KDM4C: variants seen among roughly 807,000 people sequenced by gnomAD.
KDM4C encodes lysine-specific demethylase 4C.
A neutral mutation model predicts 129.3 loss-of-function variants in KDM4C; 81 were observed. That is an observed-to-expected ratio of 0.63 (90% confidence interval 0.52 to 0.75). The LOEUF is 0.75. Among genes scored for constraint, KDM4C ranks in the 30% least tolerant of loss-of-function variants. KDM4C has a pLI of 0.00. For synonymous variants in KDM4C, 573 were observed against 456.1 expected, an observed-to-expected ratio of 1.26 and a Z score of -3.26; for missense variants, 1,457 against 1,304.0, an observed-to-expected ratio of 1.12 and a Z score of -1.81.
At chr9:6,807,455 G>C (rs945921395) in intron 3 of KDM4C, among the ~76,000 whole-genome samples, 1 of 145,728 alleles carries the variant, frequency 6.9e-6, no homozygotes, top group East Asian at 2.0e-4. Flanking sequence ...CTTCCCAGCC[G>C]CCATCACATC....
chr9:7,151,069 G>A (rs1327787612), intron 19 of KDM4C, among the ~76,000 whole-genome samples: 1 of 152,110 alleles, frequency 6.6e-6, no homozygotes, highest in Non-Finnish European at 1.5e-5. Flanking sequence ...CCAGCACTTT[G>A]GGAGGCTGAA....
At chr9:7,099,153 A>G (rs1312429757) in intron 17 of KDM4C, among the ~76,000 whole-genome samples, 1 of 151,798 alleles carries the variant, frequency 6.6e-6, no homozygotes, top group Non-Finnish European at 1.5e-5. Context: ...AACAACAATT[A>G]AAAAGCATTC....
intron 15 of KDM4C, among the ~76,000 whole-genome samples, chr9:7,042,754 T>C (rs536512031): frequency 1.4e-4 from 22 of 152,158 alleles, no homozygotes; most frequent in African/African-American, 5.3e-4. Flanking sequence ...CCTTATGCTT[T>C]GGGGCAGAAG....
In KDM4C at chr9:6,906,348, A is replaced by G. The variant is rs375313136; in HGVS notation, c.921+13116A>G. ...CTCCACAGGGTAAACCTCTCCAGGC[A>G]ACACTATGGAAGGAATTCTCAGCAT... is the stretch of plus-strand genomic sequence containing the variant. On this transcript the variant is annotated intron_variant, in intron 8 of 21. Transcript: ENST00000381309. Among the ~76,000 whole-genome samples, 329 of 152,310 alleles carry G rather than the reference A, an allele frequency of 2.2e-3. 5 individuals carry two copies. Among genetic ancestry groups the G allele is most frequent in the African/African-American group, 7.6e-3 (315 of 41,572 alleles).
intron 8 of KDM4C, among the ~76,000 whole-genome samples, chr9:6,916,220 A>G (rs1315931259): frequency 8.0e-6 from 1 of 125,638 alleles, no homozygotes; most frequent in Non-Finnish European, 1.9e-5. Context: ...AAGTGTCTTG[A>G]AAGTTTTACA....
chr9:6,865,728 C>T lies in KDM4C; in HGVS notation c.630-14284C>T, dbSNP rs540895188. Among the ~76,000 whole-genome samples the T allele has an allele frequency of 1.1e-4, 17 of 149,206 alleles. No individual in the cohort carries two copies. The South Asian group carries it at 3.4e-3, about 30-fold the overall frequency. On this transcript the variant is annotated intron_variant, in intron 5 of 21. Coordinates refer to ENST00000381309, the MANE Select transcript of KDM4C (RefSeq NM_015061.6). ...TACAGGCATGTGCCACCATGCCTAG[C>T]TAATTTTTTTTTAATTTATTTTATT... is the stretch of plus-strand genomic sequence containing the variant.
At position 6,758,014 on chromosome 9, in the gene KDM4C, A is replaced by G; in HGVS notation, c.-207A>G. The G allele has an allele frequency of 2.0e-6, 2 of 984,542 alleles. No individual in the cohort carries two copies. Among genetic ancestry groups the G allele is most frequent in the Non-Finnish European group, 2.4e-6 (2 of 829,736 alleles). 61.0% of individuals were successfully genotyped at this position (984,542 alleles called of 1,614,324 possible). On this transcript the variant is annotated 5_prime_UTR_variant, in exon 1 of 22. Coordinates refer to ENST00000381309, the MANE Select transcript of KDM4C (RefSeq NM_015061.6). The surrounding 1 kb of genome is among the most constrained non-coding windows in gnomAD (Gnocchi z 4.6). ...GCGCCTTCGCCGCTGCCTCCCACCC[A>G]CCCCCTCGACGGGAGGGTGAGGCGC...
At chr9:6,732,683 C>T (rs113813425) in intron 1 of KDM4C, among the ~76,000 whole-genome samples, 3,453 of 152,218 alleles carry the variant, frequency 0.023, 112 homozygotes, top group African/African-American at 0.079. Flanking sequence ...TGAACCCAGC[C>T]CTCTATTGTA....
chr9:6,963,886 C>T (rs1336443122), intron 8 of KDM4C, among the ~76,000 whole-genome samples: 2 of 152,134 alleles, frequency 1.3e-5, no homozygotes, highest in Admixed American at 1.3e-4. Flanking sequence ...TTCTTGCTAT[C>T]ACTTTTTTAG....
intron 4 of KDM4C, among the ~76,000 whole-genome samples, chr9:6,827,349 A>G (rs1444409118): frequency 1.3e-5 from 2 of 152,230 alleles, no homozygotes; most frequent in African/African-American, 4.8e-5. Context: ...ACTAAATTCA[A>G]TGATAGTGAA....
rs183512990 is a variant in KDM4C, at chr9:6,794,540, G to C, written c.144+1408G>C. Among the ~76,000 whole-genome samples the C allele has an allele frequency of 5.3e-5, 8 of 152,288 alleles. No individual in the cohort carries two copies. In the East Asian group the frequency reaches 1.5e-3, roughly 29 times the overall value. ...TATTTTTGGGACATTATTTTGAAAA[G>C]ATCACACTGGCTCCTACATGAAGAA... is the stretch of plus-strand genomic sequence containing the variant. On this transcript the variant is annotated intron_variant, in intron 2 of 21. Transcript: ENST00000381309.
chr9:6,806,430 G>C (rs865987069), intron 3 of KDM4C, among the ~76,000 whole-genome samples: 1 of 151,954 alleles, frequency 6.6e-6, no homozygotes, highest in African/African-American at 2.4e-5. Flanking sequence ...GGAGACAGAG[G>C]TTGCAGTGAG....
At position 6,758,766 on chromosome 9, in the gene KDM4C, G is replaced by T. The variant is rs1284070784; in HGVS notation, c.-18+563G>T. On this transcript the variant is annotated intron_variant, in intron 1 of 21. Transcript: ENST00000381309. The surrounding 1 kb of genome is among the most constrained non-coding windows in gnomAD (Gnocchi z 4.6). ...GCATGGGGCCATTTCTTCCTGCAGT[G>T]CCTGGAGGAACCATGATGCGGTGTA... is the stretch of plus-strand genomic sequence containing the variant. 1.3e-5 allele frequency among the ~76,000 whole-genome samples: 2 copies of T among 152,256 alleles called. No homozygotes were observed. The highest frequency in any genetic ancestry group is 2.1e-4 in the South Asian group (1 of 4,836).
chr9:6,914,720 A>C (rs1437576820), intron 8 of KDM4C, among the ~76,000 whole-genome samples: 3 of 152,200 alleles, frequency 2.0e-5, no homozygotes, highest in African/African-American at 7.2e-5. Flanking sequence ...TGTTCTAACA[A>C]AAGGGCTTGA....
rs554124833 is a variant in KDM4C at position 6,876,890 on chromosome 9, CAT to C, written c.630-3120_630-3119del. 1.5e-4 allele frequency among the ~76,000 whole-genome samples: 23 copies of C among 152,204 alleles called. No homozygotes were observed. The South Asian group carries it at 4.4e-3, about 29-fold the overall frequency. The stretch of plus-strand genomic sequence containing the variant: ...CGGAAAAAAAAATCTGAAGGAAAAA[CAT>C]AAAAAAGCTTCGCATACACAAATCT... On this transcript the variant is annotated intron_variant, in intron 5 of 21. Transcript: ENST00000381309.
At chr9:6,986,190 C>A (rs2381530) in intron 10 of KDM4C, among the ~76,000 whole-genome samples, 154 bp from the exon 11 acceptor site, 40,575 of 152,004 alleles carry the variant, frequency 0.27, 5,888 homozygotes, top group Middle Eastern at 0.4. Flanking sequence ...GTGATGGGTA[C>A]AAATGAGGTT....
Position 6,805,390 on chromosome 9 carries a change from AG to A in KDM4C, c.145-208del, listed in dbSNP as rs541657480. On this transcript the variant is annotated intron_variant, in intron 2 of 21. Transcript: ENST00000381309. ...CTCAAAATGAGTTTAATACAAGTAC[AG>A]TGTTTGGGATAGTGAGTACTCAATA... is the stretch of plus-strand genomic sequence containing the variant. Among the ~76,000 whole-genome samples the A allele has an allele frequency of 2.0e-4, 30 of 152,224 alleles. No individual in the cohort carries two copies. The East Asian group carries it at 5.8e-3, about 29-fold the overall frequency.
At chr9:6,743,448 G>T (rs1275072756) in intron 1 of KDM4C, among the ~76,000 whole-genome samples, 3 of 151,666 alleles carry the variant, frequency 2.0e-5, no homozygotes, top group Non-Finnish European at 4.4e-5. Flanking sequence ...ATCTTATGTT[G>T]TTGTTAACTG....
chr9:6,857,000 A>G (rs1016465948), intron 5 of KDM4C, among the ~76,000 whole-genome samples: 6 of 151,952 alleles, frequency 3.9e-5, no homozygotes, highest in African/African-American at 1.5e-4. Context: ...CTCATGATCC[A>G]TCCGCCTCGG....
Sources: gnomAD v4.1 joint callset for allele counts (sites outside exome capture counted in the v4.1 genomes callset) on GRCh38, gnomAD v4.1.1 for gene constraint, Gnocchi (gnomAD v3.1) non-coding constraint, MANE v1.5 for transcripts, NCBI Gene and HGNC (gene_info 2026-07-23, HGNC 2026-07-21) for gene names.